RPS6KA2: variants seen among roughly 807,000 people sequenced by gnomAD.
RPS6KA2 encodes ribosomal protein S6 kinase A2.
Under a neutral mutation model 91.8 loss-of-function variants are expected in RPS6KA2, and 42 were observed. The observed-to-expected ratio is 0.46, with a 90% CI of 0.36 to 0.59. RPS6KA2 has a LOEUF of 0.59. Ranked by LOEUF, RPS6KA2 falls within the 20% of genes least tolerant of loss-of-function variation. The pLI, the probability that RPS6KA2 is intolerant of heterozygous loss-of-function variation, is 0.00. For synonymous variants in RPS6KA2, 414 were observed against 393.6 expected, an observed-to-expected ratio of 1.05 and a Z score of -0.61; for missense variants, 798 against 978.5, an observed-to-expected ratio of 0.82 and a Z score of 2.46.
chr6:166,506,063 G>A (rs961364776), intron 5 of RPS6KA2, among the ~76,000 whole-genome samples: 15 of 152,194 alleles, frequency 9.9e-5, no homozygotes, highest in African/African-American at 2.2e-4. Context: ...CCGGCACAGC[G>A]ATGGTCCCCG....
chr6:166,700,546 T>G (rs1413389830), intron 2 of RPS6KA2, among the ~76,000 whole-genome samples: 1 of 152,198 alleles, frequency 6.6e-6, no homozygotes, highest in East Asian at 1.9e-4. Context: ...CCGAGGTAGT[T>G]GAGTAAAAAT....
chr6:166,696,422 T>C lies in RPS6KA2; in HGVS notation c.124-157638A>G, dbSNP rs144612496. On this transcript the variant is annotated intron_variant, in intron 2 of 21. Transcript: ENST00000503859. ...TTACCTTCTGAGCTTCAGACTAATA[T>C]CTCCACTCTCTGGTAGAAACCTTTA... 7.2e-5 allele frequency among the ~76,000 whole-genome samples: 11 copies of C among 152,300 alleles called. No individual in the cohort carries two copies. In the East Asian group the frequency reaches 2.1e-3, roughly 29 times the overall value.
intron 2 of RPS6KA2, among the ~76,000 whole-genome samples, chr6:166,645,465 C>T (rs560885165): frequency 6.6e-6 from 1 of 152,340 alleles, no homozygotes; most frequent in African/African-American, 2.4e-5. Context: ...CCTGTTCCTT[C>T]TGCCAGTCAC....
intron 2 of RPS6KA2, among the ~76,000 whole-genome samples, chr6:166,667,914 G>A (rs909713420): frequency 6.6e-6 from 1 of 152,222 alleles, no homozygotes; most frequent in African/African-American, 2.4e-5. Flanking sequence ...AAAGAAAAGA[G>A]GGAGTTCCTG....
chr6:166,705,534 G>T (rs1323217577), intron 2 of RPS6KA2, among the ~76,000 whole-genome samples: 1 of 152,108 alleles, frequency 6.6e-6, no homozygotes, highest in Non-Finnish European at 1.5e-5. Flanking sequence ...AAAATCAGAA[G>T]CAAAGATGCC....
At chr6:166,633,309 G>A (rs1183863351) in intron 2 of RPS6KA2, among the ~76,000 whole-genome samples, 1 of 152,226 alleles carries the variant, frequency 6.6e-6, no homozygotes, top group Non-Finnish European at 1.5e-5. Context: ...AAAGGGGTGA[G>A]TTTCTTCTTC....
chr6:166,645,935 G>A (rs955524703), intron 2 of RPS6KA2, among the ~76,000 whole-genome samples: 3 of 152,208 alleles, frequency 2.0e-5, no homozygotes, highest in Admixed American at 6.5e-5. Context: ...CAATCTGTGC[G>A]TGCCCCTCAA....
chr6:166,814,964 TCCA>T (rs1466495707), intron 2 of RPS6KA2, among the ~76,000 whole-genome samples: 1 of 152,174 alleles, frequency 6.6e-6, no homozygotes, highest in African/African-American at 2.4e-5. Context: ...CCACCCCTCT[TCCA>T]CCACACCTGG....
chr6:166,454,877 G>C (rs1254826486), intron 12 of RPS6KA2, among the ~76,000 whole-genome samples: 1 of 149,380 alleles, frequency 6.7e-6, no homozygotes, highest in African/African-American at 2.5e-5. Flanking sequence ...TAGGATAATA[G>C]ATTAATATAT....
At chr6:166,698,069 G>A (rs1440572200) in intron 2 of RPS6KA2, among the ~76,000 whole-genome samples, 2 of 152,196 alleles carry the variant, frequency 1.3e-5, no homozygotes, top group Non-Finnish European at 2.9e-5. Flanking sequence ...CTGGGGTCCG[G>A]CTGGGATTCC....
rs979296366 is a variant in RPS6KA2 at position 166,733,354 on chromosome 6, TA to T, written c.123+124845del. Among the ~76,000 whole-genome samples, 2 of 152,186 alleles carry T rather than the reference TA, an allele frequency of 1.3e-5. No homozygotes were observed. Among genetic ancestry groups the T allele is most frequent in the Admixed American group, 1.3e-4 (2 of 15,282 alleles). On this transcript the variant is annotated intron_variant, in intron 2 of 21. Coordinates refer to the RPS6KA2 transcript ENST00000503859. The surrounding 1 kb of genome is among the most constrained non-coding windows in gnomAD (Gnocchi z 4.1). ...GTGTTGGCCGTCTTGATCAGTTTAT[TA>T]TGTCTTGGAACTCATCCTTGAATTA...
rs62438669 is a variant in RPS6KA2 at position 166,635,339 on chromosome 6, C to G, written c.124-96555G>C. On this transcript the variant is annotated intron_variant, in intron 2 of 21. Coordinates refer to the RPS6KA2 transcript ENST00000503859. The surrounding 1 kb of genome is among the most constrained non-coding windows in gnomAD (Gnocchi z 4.8). ...CTCCTGCCCTGACGGGCACTGCAGT[C>G]TCTGGGGTAGCACAGACAAGCCAGG... Among the ~76,000 whole-genome samples, 33,617 of 152,224 alleles carry G rather than the reference C, an allele frequency of 0.22. 3,965 individuals are homozygous for G. Among genetic ancestry groups the G allele is most frequent in the East Asian group, 0.34 (1,758 of 5,160 alleles).
chr6:166,502,624 G>A (rs77311400), intron 6 of RPS6KA2, among the ~76,000 whole-genome samples: 8,674 of 152,236 alleles, frequency 0.057, 339 homozygotes, highest in African/African-American at 0.096. Flanking sequence ...CTCACAACAC[G>A]GCACTCCGAC....
At position 166,697,674 on chromosome 6, in the gene RPS6KA2, G is replaced by A. The variant is rs540816479; in HGVS notation, c.124-158890C>T. Among the ~76,000 whole-genome samples the A allele has an allele frequency of 1.6e-4, 24 of 152,320 alleles. No individual in the cohort carries two copies. In the South Asian group the frequency reaches 3.3e-3, roughly 21 times the overall value. On this transcript the variant is annotated intron_variant, in intron 2 of 21. Coordinates refer to the RPS6KA2 transcript ENST00000503859. ...CTTCCACACCAGCCTGGACTGTTCA[G>A]CTGTGGGCCGGATCCCAGAAGGGAG...
At chr6:166,655,613 C>T (rs949518717) in intron 2 of RPS6KA2, among the ~76,000 whole-genome samples, 1 of 152,200 alleles carries the variant, frequency 6.6e-6, no homozygotes, top group African/African-American at 2.4e-5. Flanking sequence ...TCTAGCTTCA[C>T]ATAAGGTACC....
chr6:166,751,947 GGCCAGACTCCGTGGAGCACAGAA>G (rs1477384025), intron 2 of RPS6KA2, among the ~76,000 whole-genome samples: 2 of 152,048 alleles, frequency 1.3e-5, no homozygotes, highest in African/African-American at 4.8e-5. Context: ...GGAGCACAGA[GGCCAGACTCCGTGGAGCACAGAA>G]GCCAGACTCC....
chr6:166,486,199 C>T (rs1781401579), intron 10 of RPS6KA2, among the ~76,000 whole-genome samples: 1 of 152,114 alleles, frequency 6.6e-6, no homozygotes, highest in Non-Finnish European at 1.5e-5. Flanking sequence ...AACAACGTGG[C>T]AAAAATTGTT....
At chr6:166,541,615 C>T (rs1387689790) in intron 1 of RPS6KA2, among the ~76,000 whole-genome samples, 1 of 152,240 alleles carries the variant, frequency 6.6e-6, no homozygotes, top group Non-Finnish European at 1.5e-5. Flanking sequence ...GTTTTTTAGG[C>T]TGGCTTCACG....
At position 166,412,630 on chromosome 6, in the gene RPS6KA2, G is replaced by C. The variant is rs550244250; in HGVS notation, c.*132C>G. On this transcript the variant is annotated 3_prime_UTR_variant, in exon 21 of 21. Transcript: ENST00000265678. This position sits in a 1 kb window ranked among gnomAD's most constrained non-coding sequence, Gnocchi z 4.3. ...TCTCCGGGGCTGAAAAAGAAAACAC[G>C]GACACGGCGAGGGCGGGCGCCGCCT... 2.4e-5 allele frequency: 22 copies of C among 901,474 alleles called. No homozygotes were observed. The highest frequency in any genetic ancestry group is 1.5e-4 in the Admixed American group (5 of 33,292). 55.8% of individuals were successfully genotyped at this position (901,474 alleles called of 1,614,324 possible). A position where few individuals can be genotyped will look rare whatever the true frequency, so the allele number is the denominator to read the frequency against.
Sources: allele counts gnomAD v4.1 joint callset (sites outside exome capture counted in the v4.1 genomes callset), GRCh38; gene constraint gnomAD v4.1.1; non-coding constraint Gnocchi (gnomAD v3.1); transcripts MANE v1.5; gene names NCBI Gene and HGNC (gene_info 2026-07-23, HGNC 2026-07-21).